Variants in FILIP1 observed in about 807,000 individuals in gnomAD.
FILIP1 encodes the protein filamin-A-interacting protein 1.
Under a neutral mutation model 102.1 loss-of-function variants are expected in FILIP1, and 61 were observed. That is an observed-to-expected ratio of 0.60 (90% CI 0.49 to 0.74). The LOEUF is 0.74. Among genes scored for constraint, FILIP1 ranks in the 30% least tolerant of loss-of-function variants. The pLI, the probability that FILIP1 is intolerant of heterozygous loss-of-function variation, is 0.00. For missense variants in FILIP1, 1,314 were observed against 1,441.2 expected (o/e 0.91, Z 1.43); for synonymous variants, 491 against 526.9 (o/e 0.93, Z 0.93).
At chr6:75,350,107 G>A (rs951821962) in intron 4 of FILIP1, among the ~76,000 whole-genome samples, 4 of 152,088 alleles carry the variant, frequency 2.6e-5, no homozygotes. Context: ...GGTCCTACTA[G>A]GGATGTTTAA....
intron 2 of FILIP1, among the ~76,000 whole-genome samples, chr6:75,395,622 G>T (rs1456672207): frequency 1.3e-5 from 2 of 152,018 alleles, no homozygotes; most frequent in East Asian, 1.9e-4. Flanking sequence ...ATTCTATTTT[G>T]GTGTTTTGCC....
At chr6:75,489,201 T>C (rs1331889137) in intron 1 of FILIP1, among the ~76,000 whole-genome samples, 1 of 152,130 alleles carries the variant, frequency 6.6e-6, no homozygotes, top group Non-Finnish European at 1.5e-5. Flanking sequence ...TAGAACAGTC[T>C]GTGCTGTGGG....
chr6:75,332,276 C>T (rs574623611), intron 4 of FILIP1, among the ~76,000 whole-genome samples: 2 of 152,242 alleles, frequency 1.3e-5, no homozygotes, highest in African/African-American at 4.8e-5. Context: ...TTCTATGTTT[C>T]AAAGTACTTT....
chr6:75,432,215 A>G (rs190489956), intron 1 of FILIP1, among the ~76,000 whole-genome samples: 1 of 152,248 alleles, frequency 6.6e-6, no homozygotes, highest in African/African-American at 2.4e-5. Flanking sequence ...AATCTTTGTC[A>G]CTTTAAAATT....
chr6:75,429,499 A>G (rs1326005141), intron 1 of FILIP1, among the ~76,000 whole-genome samples: 1 of 152,190 alleles, frequency 6.6e-6, no homozygotes, highest in Non-Finnish European at 1.5e-5. Flanking sequence ...CATGCAGCCA[A>G]AGCTGAGGCC....
At chr6:75,465,658 T>TA in intron 1 of FILIP1, 1 of 272,954 alleles carries the variant, frequency 3.7e-6, no homozygotes, top group East Asian at 7.7e-5. Flanking sequence ...AGGTGCATCT[T>TA]ATAGACTTCA....
chr6:75,474,402 C>T (rs553694697), intron 1 of FILIP1, among the ~76,000 whole-genome samples: 2 of 152,234 alleles, frequency 1.3e-5, no homozygotes, highest in Non-Finnish European at 2.9e-5. Context: ...GTTAAACATC[C>T]ATGCTGTCTT....
At chr6:75,441,633 G>T (rs554279904) in intron 1 of FILIP1, among the ~76,000 whole-genome samples, 1 of 148,304 alleles carries the variant, frequency 6.7e-6, no homozygotes, top group African/African-American at 2.6e-5. Context: ...CCTCCCTCCC[G>T]GACGGGGCGG....
rs551462571 is a variant in FILIP1, at chr6:75,326,350, G to A, written c.630-11148C>T. ...CAATGGACTTTGGGGACTCAGGGAA[G>A]TGGGGTAGAGGGGTAAAAGATAAAA... On this transcript the variant is annotated intron_variant, in intron 4 of 5. Coordinates refer to ENST00000237172, the MANE Select transcript of FILIP1 (RefSeq NM_015687.5). Among the ~76,000 whole-genome samples, 8 of 152,252 alleles carry A rather than the reference G, an allele frequency of 5.3e-5. No homozygotes were observed. The East Asian group carries it at 9.7e-4, about 18-fold the overall frequency.
chr6:75,351,952 C>T (rs901078360), intron 4 of FILIP1, among the ~76,000 whole-genome samples: 2 of 152,116 alleles, frequency 1.3e-5, no homozygotes, highest in African/African-American at 4.8e-5. Context: ...AAACATGAAG[C>T]TAGTTAACCT....
intron 6 of FILIP1, chr6:75,296,377 GTGTGT>G (rs1772674925): frequency 5.3e-5 from 8 of 150,414 alleles, no homozygotes; most frequent in African/African-American, 2.0e-4. Context: ...GTGTGTGTGT[GTGTGT>G]GGATTAGAGT....
intron 6 of FILIP1, among the ~76,000 whole-genome samples, chr6:75,297,198 C>T (rs1331620380): frequency 1.3e-5 from 2 of 152,116 alleles, no homozygotes. Flanking sequence ...TTTTCACATC[C>T]ATCCCAAATA....
chr6:75,306,543 G>A (rs1196970112), downstream of FILIP1, among the ~76,000 whole-genome samples: 2 of 152,098 alleles, frequency 1.3e-5, no homozygotes, highest in Non-Finnish European at 2.9e-5. Context: ...TAAAAACAGT[G>A]AATGTCTTCA....
At chr6:75,458,009 C>T (rs1246555734) in intron 1 of FILIP1, among the ~76,000 whole-genome samples, 1 of 152,148 alleles carries the variant, frequency 6.6e-6, no homozygotes, top group Non-Finnish European at 1.5e-5. Flanking sequence ...CCAGATTTAG[C>T]AAATTAATAA....
At chr6:75,347,104 G>T (rs1774612757) in intron 4 of FILIP1, among the ~76,000 whole-genome samples, 1 of 152,172 alleles carries the variant, frequency 6.6e-6, no homozygotes, top group African/African-American at 2.4e-5. Context: ...CTCCCTCTGT[G>T]CATTGAAGAA....
chr6:75,407,900 C>A (rs1445623151), intron 2 of FILIP1, among the ~76,000 whole-genome samples: 1 of 152,148 alleles, frequency 6.6e-6, no homozygotes, highest in Non-Finnish European at 1.5e-5. Flanking sequence ...TTGAATCATT[C>A]TGCACAAATG....
At chr6:75,417,679 T>C (rs1273364382) in intron 1 of FILIP1, among the ~76,000 whole-genome samples, 2 of 152,194 alleles carry the variant, frequency 1.3e-5, no homozygotes, top group Non-Finnish European at 2.9e-5. Flanking sequence ...GTGAAGTAGG[T>C]GCTATTTCTC....
intron 1 of FILIP1, among the ~76,000 whole-genome samples, chr6:75,469,046 T>C (rs1270998343): frequency 6.6e-6 from 1 of 151,980 alleles, no homozygotes; most frequent in Non-Finnish European, 1.5e-5. Context: ...AAAATGAATA[T>C]TATAATAATA....
At chr6:75,339,406 T>G (rs1774347801) in intron 4 of FILIP1, among the ~76,000 whole-genome samples, 1 of 152,192 alleles carries the variant, frequency 6.6e-6, no homozygotes, top group Non-Finnish European at 1.5e-5. Context: ...ATAGGGTAAA[T>G]CTGTGCTAGA....
Sources: gnomAD v4.1 joint callset for allele counts (sites outside exome capture counted in the v4.1 genomes callset) on GRCh38, gnomAD v4.1.1 for gene constraint, MANE v1.5 for transcripts, NCBI Gene and HGNC (gene_info 2026-07-23, HGNC 2026-07-21) for gene names.